Variants in SCARA3 observed in about 807,000 individuals in gnomAD.
SCARA3 encodes scavenger receptor class A member 3.
Under a neutral mutation model 47.0 loss-of-function variants are expected in SCARA3, and 39 were observed. The observed-to-expected ratio is 0.83, with a 90% CI of 0.64 to 1.08. The LOEUF (loss-of-function observed/expected upper bound fraction) is 1.08. Ranked by LOEUF, SCARA3 falls within the 50% of genes least tolerant of loss-of-function variation. SCARA3 has a pLI of 0.00. For synonymous variants in SCARA3, 356 were observed against 334.1 expected (o/e 1.07, Z -0.71); for missense variants, 724 against 792.3 (o/e 0.91, Z 1.04).
In SCARA3 at chr8:27,656,453, CA is replaced by C. The variant is rs1009318506; in HGVS notation, c.227-328del. 2.6e-4 allele frequency among the ~76,000 whole-genome samples: 39 copies of C among 152,222 alleles called. 1 individual carries two copies. Among genetic ancestry groups the C allele is most frequent in the Admixed American group, 1.0e-3 (16 of 15,304 alleles). On this transcript the variant is annotated intron_variant, in intron 3 of 5. Transcript: ENST00000301904. ...AATGTAGACAAGACTAGAAGAAATC[CA>C]TGAAGACACTGATGGCAGCAACCTT...
chr8:27,642,273 A>G (rs910680380), intron 1 of SCARA3, among the ~76,000 whole-genome samples: 1 of 152,204 alleles, frequency 6.6e-6, no homozygotes, highest in Non-Finnish European at 1.5e-5. Flanking sequence ...ATGGCAATAA[A>G]TGGCAGCATT....
At chr8:27,679,554 T>C (rs28462284), downstream of SCARA3, among the ~76,000 whole-genome samples, 1,532 of 152,286 alleles carry the variant, frequency 0.01, 16 homozygotes, top group African/African-American at 0.035. Context: ...CAGGAAGTGA[T>C]AGGTCAAGTA....
chr8:27,644,696 G>C (rs1466265003), intron 1 of SCARA3, among the ~76,000 whole-genome samples: 9 of 151,878 alleles, frequency 5.9e-5, no homozygotes, highest in Non-Finnish European at 1.3e-4. Context: ...TATAAACGGA[G>C]TCTCTCTCTA....
At chr8:27,719,273 A>G in the SCARA3 span, among the ~76,000 whole-genome samples, 1 of 152,146 alleles carries the variant, frequency 6.6e-6, no homozygotes, top group African/African-American at 2.4e-5. Flanking sequence ...GCAAACTAAC[A>G]CAGGAGCAGA....
chr8:27,698,239 G>T, the SCARA3 span, among the ~76,000 whole-genome samples: 85 of 151,126 alleles, frequency 5.6e-4, 1 homozygote, highest in African/African-American at 2.0e-3. Context: ...CAGCAGAAGT[G>T]GTAAATTAGA....
intron 1 of SCARA3, among the ~76,000 whole-genome samples, chr8:27,638,408 G>A (rs932946049): frequency 5.9e-5 from 9 of 151,532 alleles, no homozygotes; most frequent in African/African-American, 2.2e-4. Flanking sequence ...TCACTGGGAT[G>A]AAGTCCCTGG....
intron 1 of SCARA3, among the ~76,000 whole-genome samples, chr8:27,640,907 G>A (rs766414746): frequency 1.3e-5 from 2 of 152,158 alleles, no homozygotes; most frequent in African/African-American, 4.8e-5. Context: ...CTGTTCCCCA[G>A]GCTGATCTCA....
At chr8:27,665,069 G>A (rs1223619002) in intron 5 of SCARA3, among the ~76,000 whole-genome samples, 2 of 152,198 alleles carry the variant, frequency 1.3e-5, no homozygotes, top group Admixed American at 6.5e-5. Flanking sequence ...CGGTCTCCAC[G>A]TGGCCGGAAC....
At chr8:27,712,507 G>A in the SCARA3 span, among the ~76,000 whole-genome samples, 4 of 145,386 alleles carry the variant, frequency 2.8e-5, no homozygotes, top group African/African-American at 1.0e-4. Context: ...AGCTTGCAGT[G>A]AGCCGAGATC....
At chr8:27,721,042 C>T in the SCARA3 span, among the ~76,000 whole-genome samples, 1 of 152,042 alleles carries the variant, frequency 6.6e-6, no homozygotes, top group Admixed American at 6.6e-5. Flanking sequence ...TCCATTCATG[C>T]ACCTATTATC....
At chr8:27,638,295 A>G (rs1436586475) in intron 1 of SCARA3, among the ~76,000 whole-genome samples, 1 of 142,886 alleles carries the variant, frequency 7.0e-6, no homozygotes, top group Non-Finnish European at 1.5e-5. Flanking sequence ...CCCATGTTTG[A>G]TCATGTATAA....
the SCARA3 span, among the ~76,000 whole-genome samples, chr8:27,728,544 C>T: frequency 6.6e-6 from 1 of 152,326 alleles, no homozygotes; most frequent in South Asian, 2.1e-4. Flanking sequence ...CTCCAGCCTC[C>T]ACTCCCATTC....
chr8:27,647,390 C>T (rs1194799314), intron 1 of SCARA3, among the ~76,000 whole-genome samples: 1 of 152,174 alleles, frequency 6.6e-6, no homozygotes, highest in East Asian at 1.9e-4. Context: ...TCTCCTTTGT[C>T]GCCCCAGATT....
chr8:27,715,846 A>ATAGATAGATAGATAGATAGG, the SCARA3 span, among the ~76,000 whole-genome samples: 3 of 145,082 alleles, frequency 2.1e-5, no homozygotes, highest in South Asian at 2.2e-4. This position sits in a 1 kb window ranked among gnomAD's most constrained non-coding sequence, Gnocchi z 4.2. Context: ...AGATAGATAG[A>ATAGATAGATAGATAGATAGG]TAGATAGATA....
chr8:27,646,852 C>T (rs1158914437), intron 1 of SCARA3, among the ~76,000 whole-genome samples: 1 of 151,804 alleles, frequency 6.6e-6, no homozygotes, highest in Non-Finnish European at 1.5e-5. Context: ...GACGATGGGA[C>T]AGCTGCCCAA....
Position 27,651,627 on chromosome 8 carries a change from G to C in SCARA3, c.226G>C (p.Val76Leu), listed in dbSNP as rs369148359. 110 of 1,613,956 alleles carry C rather than the reference G, an allele frequency of 6.8e-5. No homozygotes were observed. Among genetic ancestry groups the C allele is most frequent in the Non-Finnish European group, 9.2e-5 (108 of 1,179,990 alleles). Residue 76 changes from valine to leucine, a missense_variant and splice_region_variant, in exon 3 of 6, where the codon GTT (valine) becomes CTT (leucine). Coordinates refer to ENST00000301904, the MANE Select transcript of SCARA3 (RefSeq NM_016240.3). ...LVAVAVLASL[V>L]FRKVDSLSED... ...GGCCGTGGCTGTGTTGGCCTCTCTG[G>C]GTGAGTCCGGGGCTTTCCCACCCCG...
the SCARA3 span, among the ~76,000 whole-genome samples, chr8:27,714,357 G>A: frequency 6.8e-4 from 104 of 152,054 alleles, no homozygotes; most frequent in Non-Finnish European, 1.1e-3. Context: ...ACCACGCCCT[G>A]CTAACTTTTG....
the SCARA3 span, among the ~76,000 whole-genome samples, chr8:27,714,711 A>C: frequency 6.6e-6 from 1 of 152,212 alleles, no homozygotes; most frequent in African/African-American, 2.4e-5. Context: ...CCAATACCAC[A>C]GGACCCATTC....
chr8:27,664,864 C>T (rs1801983653), intron 5 of SCARA3, among the ~76,000 whole-genome samples: 2 of 152,156 alleles, frequency 1.3e-5, no homozygotes, highest in South Asian at 2.1e-4. Flanking sequence ...CTTGGTTCAA[C>T]GTCTGCACAT....
Sources: allele counts gnomAD v4.1 joint callset (sites outside exome capture counted in the v4.1 genomes callset), GRCh38; gene constraint gnomAD v4.1.1; non-coding constraint Gnocchi (gnomAD v3.1); transcripts MANE v1.5; gene names NCBI Gene and HGNC (gene_info 2026-07-23, HGNC 2026-07-21).